Variants in RUBCN observed in about 807,000 individuals in gnomAD.
The protein encoded by RUBCN is run domain Beclin-1-interacting and cysteine-rich domain-containing protein.
In RUBCN, 74 loss-of-function variants were observed where a neutral mutation model predicts 113.2. That is an observed-to-expected ratio of 0.65 (90% CI 0.54 to 0.79). RUBCN has a LOEUF of 0.79. Ranked by LOEUF, RUBCN falls within the 30% of genes least tolerant of loss-of-function variation. The pLI is 0.00. For missense variants in RUBCN, 1,109 were observed against 1,251.7 expected (o/e 0.89, Z 1.72); for synonymous variants, 480 against 490.0 (o/e 0.98, Z 0.27).
chr3:197,730,018 T>C (rs531456125), intron 1 of RUBCN, among the ~76,000 whole-genome samples: 2 of 152,034 alleles, frequency 1.3e-5, no homozygotes, highest in Non-Finnish European at 2.9e-5. Context: ...TTCTGAAAAA[T>C]TAAACTAGTA....
rs769968437 is a variant in RUBCN, at chr3:197,683,826, A to C, written c.1847+331T>G. Among the ~76,000 whole-genome samples, 3 of 152,164 alleles carry C rather than the reference A, an allele frequency of 2.0e-5. No individual in the cohort carries two copies. The highest frequency in any genetic ancestry group is 7.2e-5 in the African/African-American group (3 of 41,444). ...GCTACTGTGTCCCCTGGTTGGGTCT[A>C]TGATGTGGAATCTGTTCAATTTGAT... On this transcript the variant is annotated intron_variant, in intron 12 of 19. Transcript: ENST00000296343. This position sits in a 1 kb window ranked among gnomAD's most constrained non-coding sequence, Gnocchi z 4.6.
chr3:197,687,781 C>A (rs1218575597), intron 11 of RUBCN, among the ~76,000 whole-genome samples: 1 of 152,218 alleles, frequency 6.6e-6, no homozygotes, highest in African/African-American at 2.4e-5. Flanking sequence ...CCCATGGACA[C>A]CCTCCCTCAG....
chr3:197,724,192 A>G (rs1229841168), intron 1 of RUBCN, among the ~76,000 whole-genome samples: 1 of 152,176 alleles, frequency 6.6e-6, no homozygotes, highest in African/African-American at 2.4e-5. Flanking sequence ...AGTGACCCAA[A>G]TAAGTATATC....
intron 1 of RUBCN, among the ~76,000 whole-genome samples, chr3:197,732,243 C>T (rs1383741829): frequency 6.6e-6 from 1 of 152,164 alleles, no homozygotes; most frequent in Admixed American, 6.5e-5. Flanking sequence ...AGACAGTACA[C>T]TGCATGGCCA....
At chr3:197,714,391 G>A (rs1023024115) in intron 2 of RUBCN, among the ~76,000 whole-genome samples, 1 of 152,162 alleles carries the variant, frequency 6.6e-6, no homozygotes, top group African/African-American at 2.4e-5. Context: ...CACAATCATA[G>A]CTCACTGGAG....
chr3:197,739,153 C>G (rs570262002), upstream of RUBCN, among the ~76,000 whole-genome samples: 79 of 151,776 alleles, frequency 5.2e-4, no homozygotes, highest in Middle Eastern at 0.01. Context: ...GTTGGTCAGG[C>G]CGGTCTTGAA....
chr3:197,703,793 G>A (rs929957876), intron 4 of RUBCN, 139 bp from the exon 5 acceptor site: 8 of 689,068 alleles, frequency 1.2e-5, no homozygotes, highest in Non-Finnish European at 1.8e-5. Flanking sequence ...AGGAGAAGCT[G>A]AAGAACGCGA....
At chr3:197,741,050 G>A (rs1728507081), upstream of RUBCN, among the ~76,000 whole-genome samples, 1 of 152,184 alleles carries the variant, frequency 6.6e-6, no homozygotes, top group South Asian at 2.1e-4. Flanking sequence ...GAGGATATAT[G>A]GGTATTCATT....
chr3:197,718,235 A>C (rs1225270763), intron 1 of RUBCN, 105 bp from the exon 2 acceptor site: 2 of 1,215,334 alleles, frequency 1.6e-6, no homozygotes, highest in Admixed American at 1.8e-5. Flanking sequence ...CCACATCCTA[A>C]CATTCTCTCC....
At position 197,683,285 on chromosome 3, in the gene RUBCN, GGAA is replaced by G. The variant is rs1483773916; in HGVS notation, c.1980+19_1980+21del. ...AGAGGCTCACGATGGCCCCTGGGTA[GGAA>G]GAAGAGCTAAGGACCTACCTTCTGA... On this transcript the variant is annotated intron_variant, in intron 13 of 19. Transcript: ENST00000296343. This position sits in a 1 kb window ranked among gnomAD's most constrained non-coding sequence, Gnocchi z 4.6. The G allele has an allele frequency of 1.9e-6, 3 of 1,614,048 alleles. No homozygotes were observed. The highest frequency in any genetic ancestry group is 1.7e-6 in the Non-Finnish European group (2 of 1,180,008).
rs991170268 is a variant in RUBCN at position 197,698,160 on chromosome 3, A to G, written c.1262-1111T>C. Reference sequence around the variant, plus strand: ...ACTGAGTTCACTACCTCCTAATGCCACCATTTAACTAATTCTTAGAATTCC... The same window carrying G: ...ACTGAGTTCACTACCTCCTAATGCCGCCATTTAACTAATTCTTAGAATTCC... On this transcript the variant is annotated intron_variant, in intron 7 of 19. Coordinates refer to ENST00000296343, the MANE Select transcript of RUBCN (RefSeq NM_014687.4). 4.6e-5 allele frequency among the ~76,000 whole-genome samples: 7 copies of G among 152,308 alleles called. No individual in the cohort carries two copies. The East Asian group carries it at 1.3e-3, about 29-fold the overall frequency.
chr3:197,732,052 AAC>A (rs1299627337), intron 1 of RUBCN, among the ~76,000 whole-genome samples: 1 of 152,232 alleles, frequency 6.6e-6, no homozygotes, highest in African/African-American at 2.4e-5. Context: ...AAATGCTATT[AAC>A]AGAGATCAGA....
intron 10 of RUBCN, 185 bp downstream of exon 10, chr3:197,694,190 C>A (rs1383920266): frequency 4.1e-6 from 3 of 723,192 alleles, no homozygotes; most frequent in Non-Finnish European, 7.5e-6. Context: ...TCTGCCTGGC[C>A]TGGAAGGCAG....
rs889345578 is a variant in RUBCN, at chr3:197,674,462, C to T, written c.*556G>A. The T allele has an allele frequency of 2.3e-6, 1 of 431,638 alleles. No homozygotes were observed. The allele number at this position is 431,638 out of a possible 1,614,324, so 26.7% of individuals were successfully genotyped here. ...AGGATAGTCAGGATTGTTCTGTGGC[C>T]CCCAAAATACCCAAATAAGTGGACG... On this transcript the variant is annotated 3_prime_UTR_variant, in exon 20 of 20. Coordinates refer to ENST00000296343, the MANE Select transcript of RUBCN (RefSeq NM_014687.4).
At chr3:197,687,825 T>C (rs1391250124) in intron 11 of RUBCN, among the ~76,000 whole-genome samples, 1 of 152,210 alleles carries the variant, frequency 6.6e-6, no homozygotes, top group Non-Finnish European at 1.5e-5. Flanking sequence ...TGACAGCTGC[T>C]GGCATGCCAC....
intron 11 of RUBCN, among the ~76,000 whole-genome samples, chr3:197,689,930 C>T (rs1467249752): frequency 1.3e-5 from 2 of 152,138 alleles, no homozygotes; most frequent in East Asian, 1.9e-4. Context: ...TGGTTGAACC[C>T]ACTAACCAAC....
chr3:197,716,300 G>C (rs1025521049), intron 2 of RUBCN, among the ~76,000 whole-genome samples: 7 of 152,126 alleles, frequency 4.6e-5, no homozygotes, highest in African/African-American at 1.4e-4. Flanking sequence ...GCTAATTTTT[G>C]TAATTTTAGT....
chr3:197,697,594 C>A (rs1209352175), intron 7 of RUBCN, among the ~76,000 whole-genome samples: 2 of 152,132 alleles, frequency 1.3e-5, no homozygotes, highest in Non-Finnish European at 2.9e-5. Context: ...GGCTCCGTTA[C>A]GGGGCTCGGC....
chr3:197,692,708 A>G (rs1722558746), intron 11 of RUBCN, among the ~76,000 whole-genome samples: 1 of 152,174 alleles, frequency 6.6e-6, no homozygotes, highest in African/African-American at 2.4e-5. Context: ...TCATACATAG[A>G]AATCAGAGAC....
Sources: gnomAD v4.1 joint callset for allele counts (sites outside exome capture counted in the v4.1 genomes callset) on GRCh38, gnomAD v4.1.1 for gene constraint, Gnocchi (gnomAD v3.1) non-coding constraint, MANE v1.5 for transcripts, NCBI Gene and HGNC (gene_info 2026-07-23, HGNC 2026-07-21) for gene names.